FAM47E: variants seen among roughly 807,000 people sequenced by gnomAD.
FAM47E encodes family with sequence similarity 47 member E.
FAM47E carries 32 observed loss-of-function variants against 41.6 expected under a neutral mutation model. That is an observed-to-expected ratio of 0.77 (90% CI 0.58 to 1.03). The LOEUF is 1.03. FAM47E is among the 50% of genes least tolerant of loss of function. FAM47E has a pLI of 0.00. For synonymous variants in FAM47E, 184 were observed against 188.7 expected (o/e 0.98, Z 0.20); for missense variants, 424 against 485.4 (o/e 0.87, Z 1.19).
At chr4:76,271,440 T>G in intron 4 of FAM47E, 128 bp from the exon 5 acceptor site, 1 of 1,100,818 alleles carries the variant, frequency 9.1e-7, no homozygotes, top group East Asian at 2.6e-5. Context: ...CTTCAATGAA[T>G]GCTGACTGAG....
intron 5 of FAM47E, among the ~76,000 whole-genome samples, chr4:76,272,418 C>T (rs1411085282): frequency 6.6e-6 from 1 of 152,156 alleles, no homozygotes; most frequent in Non-Finnish European, 1.5e-5. Flanking sequence ...AGAGCCCTTC[C>T]CTGAAAATGA....
chr4:76,221,926 A>G (rs1251499795), intron 2 of FAM47E, among the ~76,000 whole-genome samples: 1 of 152,220 alleles, frequency 6.6e-6, no homozygotes, highest in African/African-American at 2.4e-5. Context: ...AAAGGAAAAA[A>G]ATGCGTATTC....
At chr4:76,278,360 C>A in intron 6 of FAM47E, 136 bp downstream of exon 6, 1 of 960,990 alleles carries the variant, frequency 1.0e-6, no homozygotes, top group Non-Finnish European at 1.4e-6. Flanking sequence ...TTGAATTCAG[C>A]AAGGAGAAAG....
At chr4:76,247,055 T>A (rs1025780662), upstream of FAM47E, among the ~76,000 whole-genome samples, 3 of 152,194 alleles carry the variant, frequency 2.0e-5, no homozygotes, top group Admixed American at 2.0e-4. Context: ...ATTTCAAAAT[T>A]TTTTCATCAT....
At chr4:76,260,201 T>G (rs775858874) in intron 2 of FAM47E, among the ~76,000 whole-genome samples, 4 of 152,122 alleles carry the variant, frequency 2.6e-5, no homozygotes, top group Non-Finnish European at 5.9e-5. Flanking sequence ...TTCAAATAAT[T>G]AGAAAAAACA....
Position 76,256,392 on chromosome 4 carries a change from G to A in FAM47E, c.289G>A (p.Glu97Lys), listed in dbSNP as rs1359468986. The A allele has an allele frequency of 6.4e-7, 1 of 1,552,176 alleles. No individual in the cohort carries two copies. The highest frequency in any genetic ancestry group is 8.7e-7 in the Non-Finnish European group (1 of 1,147,326). The change falls in exon 2 of 8, where the codon GAA (glutamate) becomes AAA (lysine). Residue 97 changes from glutamate to lysine, a missense_variant. By Grantham distance (56) the Glu-to-Lys change is moderately conservative. Transcript: ENST00000424749. ...PKKRQIKLLK[E>K]ADVLSKLSPA... Reference sequence around the variant, plus strand: ...GAAGAGGCAGATCAAGCTGCTCAAGGAAGCAGACGTGCTTTCCAAGCTCTC... The same window carrying A: ...GAAGAGGCAGATCAAGCTGCTCAAGAAAGCAGACGTGCTTTCCAAGCTCTC...
At chr4:76,270,627 G>A (rs942666934) in intron 4 of FAM47E, among the ~76,000 whole-genome samples, 5 of 152,050 alleles carry the variant, frequency 3.3e-5, no homozygotes, top group East Asian at 1.9e-4. Flanking sequence ...GCTGCTGGAG[G>A]CGATTCGTCT....
chr4:76,241,395 C>G (rs1479001930), intron 2 of FAM47E, among the ~76,000 whole-genome samples: 1 of 152,044 alleles, frequency 6.6e-6, no homozygotes, highest in African/African-American at 2.4e-5. Context: ...CAATGGCTGT[C>G]ATTTCTTCTT....
At chr4:76,224,424 T>A (rs1014719993) in intron 2 of FAM47E, among the ~76,000 whole-genome samples, 11 of 152,190 alleles carry the variant, frequency 7.2e-5, no homozygotes, top group Non-Finnish European at 1.3e-4. Flanking sequence ...TGATTACACT[T>A]CAAAGGGTTC....
chr4:76,276,668 G>T (rs941376893), intron 5 of FAM47E, among the ~76,000 whole-genome samples: 1 of 152,308 alleles, frequency 6.6e-6, no homozygotes, highest in South Asian at 2.1e-4. Context: ...AAATTGGATG[G>T]CCAGGGAAGA....
chr4:76,216,869 A>T (rs568722609), intron 1 of FAM47E, among the ~76,000 whole-genome samples: 1 of 152,354 alleles, frequency 6.6e-6, no homozygotes, highest in South Asian at 2.1e-4. Flanking sequence ...GCTTTTAAGA[A>T]AATAATGTAT....
At chr4:76,231,989 C>A (rs1290032344) in intron 2 of FAM47E, among the ~76,000 whole-genome samples, 1 of 152,120 alleles carries the variant, frequency 6.6e-6, no homozygotes, top group Non-Finnish European at 1.5e-5. Context: ...TGTCCCGTTG[C>A]AAGAGAGAAG....
intron 2 of FAM47E, chr4:76,234,517 G>C (rs1351158446): frequency 2.0e-5 from 3 of 152,172 alleles, no homozygotes; most frequent in Non-Finnish European, 4.4e-5. Flanking sequence ...CTGCTTTACG[G>C]TTGGAATCCT....
chr4:76,261,170 A>T (rs1214420202), intron 2 of FAM47E, among the ~76,000 whole-genome samples: 1 of 152,190 alleles, frequency 6.6e-6, no homozygotes, highest in Non-Finnish European at 1.5e-5. Flanking sequence ...AATAAAAAAA[A>T]TAACAGATAT....
chr4:76,214,127 C>T, exon 1 of FAM47E: 2 of 433,006 alleles, frequency 4.6e-6, no homozygotes, highest in Non-Finnish European at 9.2e-6. Flanking sequence ...GCAGATAGGT[C>T]TGAGGGCCTC....
At chr4:76,256,015 A>G (rs961212879) in intron 1 of FAM47E, among the ~76,000 whole-genome samples, 163 bp from the exon 2 acceptor site, 6 of 152,158 alleles carry the variant, frequency 3.9e-5, no homozygotes, top group Non-Finnish European at 8.8e-5. Flanking sequence ...AACTAGGAAT[A>G]TGATTAACTC....
intron 2 of FAM47E, chr4:76,234,209 G>C (rs1733542579): frequency 6.6e-6 from 1 of 152,446 alleles, no homozygotes; most frequent in African/African-American, 2.4e-5. Context: ...GGGGAGCAAT[G>C]CGGGGGTGTG....
chr4:76,249,563 GTTTA>G (rs1392637771), upstream of FAM47E, among the ~76,000 whole-genome samples: 2 of 151,562 alleles, frequency 1.3e-5, no homozygotes, highest in East Asian at 1.9e-4. Context: ...TCCGTTATTT[GTTTA>G]TTTATTTATT....
intron 2 of FAM47E, among the ~76,000 whole-genome samples, chr4:76,218,346 C>T (rs753871409): frequency 7.2e-5 from 11 of 152,236 alleles, no homozygotes; most frequent in Non-Finnish European, 1.3e-4. Flanking sequence ...TCCTCCCCTA[C>T]CCATCATTCC....
Sources: allele counts gnomAD v4.1 joint callset (sites outside exome capture counted in the v4.1 genomes callset), GRCh38; gene constraint gnomAD v4.1.1; transcripts MANE v1.5; gene names NCBI Gene and HGNC (gene_info 2026-07-23, HGNC 2026-07-21).